RPH3A: variants seen among roughly 807,000 people sequenced by gnomAD.
The protein encoded by RPH3A is rabphilin 3A, also known as rabphilin-3A.
RPH3A carries 48 observed loss-of-function variants against 102.2 expected under a neutral mutation model. The observed-to-expected ratio is 0.47, with a 90% CI of 0.37 to 0.60. The LOEUF is 0.60. Among genes scored for constraint, RPH3A ranks in the 20% least tolerant of loss-of-function variants. RPH3A has a pLI of 0.00. For missense variants in RPH3A, 781 were observed against 910.1 expected (o/e 0.86, Z 1.83); for synonymous variants, 310 against 324.3 (o/e 0.96, Z 0.47).
intron 1 of RPH3A, among the ~76,000 whole-genome samples, chr12:112,719,974 T>G: frequency 6.6e-6 from 1 of 152,260 alleles, no homozygotes. Flanking sequence ...AGTTTTTTTC[T>G]TTTCTTCCTT....
intron 1 of RPH3A, among the ~76,000 whole-genome samples, chr12:112,577,315 C>T (rs2039367060): frequency 2.0e-5 from 3 of 152,204 alleles, no homozygotes; most frequent in Non-Finnish European, 4.4e-5. Context: ...TAGGCAGTTT[C>T]CAGAACTGAG....
rs2043187814 is a variant in RPH3A, at chr12:112,896,884, C to G, written c.*104C>G. 1 of 1,281,964 alleles carries G rather than the reference C, an allele frequency of 7.8e-7. No individual in the cohort carries two copies. The highest frequency in any genetic ancestry group is 1.1e-6 in the Non-Finnish European group (1 of 916,416). The allele number at this position is 1,281,964 out of a possible 1,614,324, so 79.4% of individuals were successfully genotyped here. On this transcript the variant is annotated 3_prime_UTR_variant, in exon 22 of 22. Transcript: ENST00000389385. ...TTCTCTATGCCTACCTCCCCCCATA[C>G]CCTGCTGATCTCCCTGAGCCTGCCT...
chr12:112,681,220 C>A (rs191183596), intron 1 of RPH3A, among the ~76,000 whole-genome samples: 3 of 152,168 alleles, frequency 2.0e-5, no homozygotes. Context: ...CTCTGCTGCC[C>A]GCTTCTCACT....
chr12:112,871,220 T>A (rs1039591708), intron 10 of RPH3A, among the ~76,000 whole-genome samples: 1 of 152,266 alleles, frequency 6.6e-6, no homozygotes, highest in Non-Finnish European at 1.5e-5. Context: ...TCTACCATTT[T>A]AACCATTTTC....
At chr12:112,850,738 G>A (rs2042309375) in intron 5 of RPH3A, 1 of 152,228 alleles carries the variant, frequency 6.6e-6, no homozygotes, top group Non-Finnish European at 1.5e-5. Flanking sequence ...AAAGCCAAGT[G>A]AAACATCAGA....
intron 5 of RPH3A, among the ~76,000 whole-genome samples, chr12:112,858,804 C>T (rs1367618809): frequency 1.3e-5 from 2 of 152,210 alleles, no homozygotes; most frequent in Non-Finnish European, 2.9e-5. Context: ...ACCTGCTTCT[C>T]ACCACCTCCA....
chr12:112,849,498 G>C (rs1451843385), intron 5 of RPH3A, among the ~76,000 whole-genome samples: 1 of 151,910 alleles, frequency 6.6e-6, no homozygotes, highest in African/African-American at 2.4e-5. Flanking sequence ...GGGAAGGAAA[G>C]ATATGTATGT....
intron 1 of RPH3A, among the ~76,000 whole-genome samples, chr12:112,585,316 C>T (rs572927024): frequency 1.2e-4 from 19 of 152,322 alleles, no homozygotes; most frequent in African/African-American, 3.8e-4. Context: ...TACTTTGCAT[C>T]CTTCAATCCA....
At chr12:112,667,313 T>C (rs531293856) in intron 1 of RPH3A, among the ~76,000 whole-genome samples, 1 of 152,308 alleles carries the variant, frequency 6.6e-6, no homozygotes, top group Admixed American at 6.5e-5. Context: ...TATACTCACA[T>C]CTTCACTTAA....
At chr12:112,755,007 C>G (rs1195163069) in intron 1 of RPH3A, among the ~76,000 whole-genome samples, 1 of 152,204 alleles carries the variant, frequency 6.6e-6, no homozygotes, top group East Asian at 1.9e-4. Context: ...TTTTCTCCCT[C>G]AAGGTAGTAA....
At chr12:112,861,312 AAC>A (rs1400343343) in intron 5 of RPH3A, among the ~76,000 whole-genome samples, 1 of 152,240 alleles carries the variant, frequency 6.6e-6, no homozygotes, top group Non-Finnish European at 1.5e-5. Context: ...TCTTTGGGGA[AAC>A]ACAGTGATGG....
At chr12:112,848,254 G>A (rs1236303595) in intron 5 of RPH3A, among the ~76,000 whole-genome samples, 1 of 152,214 alleles carries the variant, frequency 6.6e-6, no homozygotes, top group Non-Finnish European at 1.5e-5. Flanking sequence ...TGAGAGCCAT[G>A]TAGGTGTCAG....
At chr12:112,755,229 G>A (rs555642613) in intron 1 of RPH3A, among the ~76,000 whole-genome samples, 1 of 151,986 alleles carries the variant, frequency 6.6e-6, no homozygotes, top group East Asian at 1.9e-4. Context: ...AGTCCAGGGG[G>A]TCATTGTTAT....
At chr12:112,836,030 C>T (rs1250527692) in intron 3 of RPH3A, among the ~76,000 whole-genome samples, 2 of 152,172 alleles carry the variant, frequency 1.3e-5, no homozygotes, top group African/African-American at 4.8e-5. Flanking sequence ...GCCTCATAAT[C>T]GGAGATGCTG....
At chr12:112,804,504 C>A (rs927747246) in intron 2 of RPH3A, among the ~76,000 whole-genome samples, 2 of 152,232 alleles carry the variant, frequency 1.3e-5, no homozygotes, top group Non-Finnish European at 2.9e-5. Flanking sequence ...TGTTCTTTAG[C>A]CCCATCCATT....
intron 1 of RPH3A, among the ~76,000 whole-genome samples, chr12:112,706,711 T>C (rs1318062787): frequency 1.3e-5 from 2 of 152,214 alleles, no homozygotes; most frequent in Admixed American, 1.3e-4. Flanking sequence ...AATCTGTTTT[T>C]CTTAAGCCAG....
intron 1 of RPH3A, among the ~76,000 whole-genome samples, chr12:112,698,865 T>G: frequency 1.4e-5 from 2 of 144,378 alleles, no homozygotes; most frequent in African/African-American, 5.1e-5. Context: ...TCCTTCCCCT[T>G]CCCCTTCCCC....
chr12:112,728,705 A>C (rs2040612879), intron 1 of RPH3A, among the ~76,000 whole-genome samples: 1 of 152,218 alleles, frequency 6.6e-6, no homozygotes, highest in African/African-American at 2.4e-5. Flanking sequence ...TACACCAAAC[A>C]AAACAAATAC....
intron 1 of RPH3A, among the ~76,000 whole-genome samples, chr12:112,673,683 A>C (rs756151349): frequency 6.6e-6 from 1 of 152,202 alleles, no homozygotes; most frequent in African/African-American, 2.4e-5. Flanking sequence ...TTGAGTTACA[A>C]ACAATCCAAT....
Sources: gnomAD v4.1 joint callset for allele counts (sites outside exome capture counted in the v4.1 genomes callset) on GRCh38, gnomAD v4.1.1 for gene constraint, MANE v1.5 for transcripts, NCBI Gene and HGNC (gene_info 2026-07-23, HGNC 2026-07-21) for gene names.